SUGCT: variants seen among roughly 807,000 people sequenced by gnomAD.
The protein encoded by SUGCT is succinyl-CoA:glutarate-CoA transferase, also known as succinyl-CoA:glutarate CoA-transferase.
SUGCT carries 41 observed loss-of-function variants against 55.0 expected under a neutral mutation model. The ratio of observed to expected loss-of-function variants is 0.74; its 90% confidence interval spans 0.58 to 0.97. The LOEUF (loss-of-function observed/expected upper bound fraction) is 0.97, where lower values mean the gene tolerates loss of function less well. SUGCT is among the 50% of genes least tolerant of loss of function. The probability of loss-of-function intolerance (pLI) is 0.00; values close to 1 mark genes in which losing one functional copy is unlikely to be tolerated. For missense variants in SUGCT, 568 were observed against 547.8 expected (o/e 1.04, Z -0.37); for synonymous variants, 187 against 200.4 (o/e 0.93, Z 0.56).
chr7:40,557,834 G>A (rs939361519), intron 12 of SUGCT, among the ~76,000 whole-genome samples: 1 of 151,384 alleles, frequency 6.6e-6, no homozygotes, highest in African/African-American at 2.4e-5. Context: ...CCCACAGAAT[G>A]GGAGAAAATA....
chr7:40,603,424 A>G (rs1798384266), intron 12 of SUGCT, among the ~76,000 whole-genome samples: 1 of 152,210 alleles, frequency 6.6e-6, no homozygotes, highest in African/African-American at 2.4e-5. Context: ...ATTACATTTT[A>G]TTGATCTCAG....
the SUGCT span, among the ~76,000 whole-genome samples, chr7:40,894,785 G>A: frequency 6.6e-6 from 1 of 152,242 alleles, no homozygotes; most frequent in South Asian, 2.1e-4. Flanking sequence ...AGTCAGAATG[G>A]CTATTATTAA....
intron 13 of SUGCT, among the ~76,000 whole-genome samples, chr7:40,850,759 G>C (rs1793809731): frequency 6.6e-6 from 1 of 152,156 alleles, no homozygotes; most frequent in South Asian, 2.1e-4. Context: ...CCTTGTCCCT[G>C]ACAATTAAAG....
intron 9 of SUGCT, among the ~76,000 whole-genome samples, chr7:40,337,521 T>C (rs1354043818): frequency 6.6e-6 from 1 of 152,210 alleles, no homozygotes; most frequent in Non-Finnish European, 1.5e-5. Flanking sequence ...TTTGTCTCTT[T>C]TGATCTTTGT....
At chr7:41,000,316 T>C in the SUGCT span, among the ~76,000 whole-genome samples, 2 of 152,066 alleles carry the variant, frequency 1.3e-5, no homozygotes, top group African/African-American at 4.8e-5. Context: ...ATTCTTAAAT[T>C]GGTCTTGGAT....
chr7:40,916,644 T>C, the SUGCT span, among the ~76,000 whole-genome samples: 1 of 152,242 alleles, frequency 6.6e-6, no homozygotes, highest in Non-Finnish European at 1.5e-5. Context: ...TTTAATTACA[T>C]TCTACTATCT....
chr7:40,893,305 A>G, the SUGCT span, among the ~76,000 whole-genome samples: 6 of 152,232 alleles, frequency 3.9e-5, no homozygotes, highest in African/African-American at 1.4e-4. Context: ...GATTTGAACA[A>G]TACTGTTCAA....
At chr7:40,287,814 T>C (rs1057308465) in intron 8 of SUGCT, among the ~76,000 whole-genome samples, 4 of 152,152 alleles carry the variant, frequency 2.6e-5, no homozygotes, top group Non-Finnish European at 5.9e-5. Flanking sequence ...TAATACTCTT[T>C]AACAGGTCGA....
At chr7:40,238,708 T>C (rs1465573044) in intron 7 of SUGCT, among the ~76,000 whole-genome samples, 1 of 152,186 alleles carries the variant, frequency 6.6e-6, no homozygotes, top group East Asian at 1.9e-4. Context: ...AGATTTACTT[T>C]TTATTAATTT....
chr7:40,980,310 G>T, the SUGCT span, among the ~76,000 whole-genome samples: 6 of 152,028 alleles, frequency 3.9e-5, no homozygotes, highest in African/African-American at 1.5e-4. Context: ...TAAGACTTTG[G>T]TACATAAATA....
chr7:40,157,456 T>G (rs1352260974), intron 1 of SUGCT, among the ~76,000 whole-genome samples: 1 of 152,220 alleles, frequency 6.6e-6, no homozygotes, highest in Non-Finnish European at 1.5e-5. Context: ...GATGTATGTC[T>G]TGACTTAAGT....
chr7:40,699,100 T>C (rs868359848), intron 12 of SUGCT, among the ~76,000 whole-genome samples: 34 of 152,154 alleles, frequency 2.2e-4, no homozygotes, highest in African/African-American at 8.0e-4. Context: ...AGAATTCACC[T>C]GGTTTTCGAT....
At chr7:40,978,030 A>G in the SUGCT span, among the ~76,000 whole-genome samples, 1 of 152,172 alleles carries the variant, frequency 6.6e-6, no homozygotes, top group East Asian at 1.9e-4. Flanking sequence ...CCCTTGAGTT[A>G]TTGATAGGGT....
intron 12 of SUGCT, among the ~76,000 whole-genome samples, chr7:40,694,848 C>T (rs1330345296): frequency 2.6e-5 from 4 of 152,152 alleles, no homozygotes; most frequent in African/African-American, 9.7e-5. Flanking sequence ...GAAATGACTA[C>T]CTTTCTTCTA....
At chr7:40,254,055 G>A (rs776526766) in intron 7 of SUGCT, among the ~76,000 whole-genome samples, 1 of 152,122 alleles carries the variant, frequency 6.6e-6, no homozygotes, top group Non-Finnish European at 1.5e-5. Context: ...TATTTCATTC[G>A]TTATTTCATA....
At chr7:40,415,065 T>C (rs201197149) in intron 9 of SUGCT, among the ~76,000 whole-genome samples, 6 of 78,326 alleles carry the variant, frequency 7.7e-5, no homozygotes, top group African/African-American at 3.2e-4. Flanking sequence ...AAAAAAAATC[T>C]ATCTATCTAT....
At chr7:40,418,546 T>G (rs1220608571) in intron 9 of SUGCT, among the ~76,000 whole-genome samples, 1 of 152,174 alleles carries the variant, frequency 6.6e-6, no homozygotes, top group Non-Finnish European at 1.5e-5. Flanking sequence ...CAGCTCAAAT[T>G]TTAGTCAGGC....
At chr7:40,480,455 G>C (rs889978546) in intron 11 of SUGCT, among the ~76,000 whole-genome samples, 6 of 152,070 alleles carry the variant, frequency 3.9e-5, no homozygotes, top group African/African-American at 1.4e-4. Context: ...GAAGTGAGAT[G>C]CCGCCAGTTT....
At chr7:40,328,062 A>G (rs1402718696) in intron 9 of SUGCT, among the ~76,000 whole-genome samples, 1 of 152,184 alleles carries the variant, frequency 6.6e-6, no homozygotes, top group African/African-American at 2.4e-5. Context: ...ACAATGCTGC[A>G]TGTTTAGTTT....
Sources: gnomAD v4.1 joint callset for allele counts (sites outside exome capture counted in the v4.1 genomes callset) on GRCh38, gnomAD v4.1.1 for gene constraint, MANE v1.5 for transcripts, NCBI Gene and HGNC (gene_info 2026-07-23, HGNC 2026-07-21) for gene names.